Variants in RPTOR observed in about 807,000 individuals in gnomAD.
The protein encoded by RPTOR is regulatory associated protein of MTOR complex 1, also known as regulatory-associated protein of mTOR.
RPTOR carries 21 observed loss-of-function variants against 169.9 expected under a neutral mutation model. That is an observed-to-expected ratio of 0.12 (90% CI 0.09 to 0.18). RPTOR has a LOEUF of 0.18. RPTOR is among the 10% of genes least tolerant of loss of function. RPTOR has a pLI of 1.00. For synonymous variants in RPTOR, 732 were observed against 753.2 expected (o/e 0.97, Z 0.46); for missense variants, 1,133 against 1,855.9 (o/e 0.61, Z 7.16).
At chr17:80,724,224 TG>T (rs1441918970) in intron 4 of RPTOR, among the ~76,000 whole-genome samples, 2 of 151,048 alleles carry the variant, frequency 1.3e-5, no homozygotes. Flanking sequence ...ACATGAGAGC[TG>T]GTTCCCCTTG....
chr17:80,720,024 G>T (rs143395513), intron 4 of RPTOR, among the ~76,000 whole-genome samples: 11 of 152,072 alleles, frequency 7.2e-5, no homozygotes, highest in Admixed American at 7.2e-4. Flanking sequence ...ATCATGGGCC[G>T]GGCACGGTGG....
intron 7 of RPTOR, among the ~76,000 whole-genome samples, chr17:80,817,832 C>T (rs1422440016): frequency 6.6e-6 from 1 of 152,128 alleles, no homozygotes; most frequent in Admixed American, 6.5e-5. Flanking sequence ...GGGAAGGGCA[C>T]CTGCTTGGCA....
Position 80,964,568 on chromosome 17 carries a change from C to CTG in RPTOR, c.*238_*239insTG, listed in dbSNP as rs1211573126. ...ACGGTGGCTTCCCACTGAGCACCAG[C>CTG]ATCCAGGTGCACCCCCGCGGCCACG... On this transcript the variant is annotated 3_prime_UTR_variant, in exon 34 of 34. Transcript: ENST00000306801. 8 of 575,256 alleles carry CTG rather than the reference C, an allele frequency of 1.4e-5. No individual in the cohort carries two copies. In the African/African-American group the frequency reaches 1.5e-4, roughly 11 times the overall value. 35.6% of individuals were successfully genotyped at this position (575,256 alleles called of 1,614,324 possible). A position where few individuals can be genotyped will look rare whatever the true frequency, so the allele number is the denominator to read the frequency against.
rs1009020014 is a variant in RPTOR at position 80,609,731 on chromosome 17, C to T, written c.163-15960C>T. On this transcript the variant is annotated intron_variant, in intron 1 of 33. Coordinates refer to ENST00000306801, the MANE Select transcript of RPTOR (RefSeq NM_020761.3). This position sits in a 1 kb window ranked among gnomAD's most constrained non-coding sequence, Gnocchi z 4.8. ...CTGCACTCCAGCCTGGGCGACAGAG[C>T]GAGATTCTGTCTCAAAAAAAAAAAA... Among the ~76,000 whole-genome samples, 9 of 143,274 alleles carry T rather than the reference C, an allele frequency of 6.3e-5. No homozygotes were observed. The East Asian group carries it at 1.8e-3, about 29-fold the overall frequency. 94.0% of individuals were successfully genotyped at this position (143,274 alleles called of 152,430 possible).
chr17:80,727,045 G>A (rs745632438), intron 4 of RPTOR, among the ~76,000 whole-genome samples: 81 of 152,030 alleles, frequency 5.3e-4, no homozygotes, highest in Middle Eastern at 3.4e-3. Context: ...CTGCGAGAAC[G>A]TGGGCGCTAC....
intron 9 of RPTOR, among the ~76,000 whole-genome samples, chr17:80,835,531 C>T (rs1409217748): frequency 6.6e-6 from 1 of 152,172 alleles, no homozygotes; most frequent in Non-Finnish European, 1.5e-5. Context: ...TCCATCCCTA[C>T]GACGAAGGTT....
At chr17:80,741,179 A>G (rs2066478791) in intron 5 of RPTOR, among the ~76,000 whole-genome samples, 1 of 152,178 alleles carries the variant, frequency 6.6e-6, no homozygotes. Flanking sequence ...GGAGAGTGGC[A>G]TGCACTCTAG....
intron 14 of RPTOR, among the ~76,000 whole-genome samples, chr17:80,882,539 C>T (rs2068197477): frequency 6.6e-6 from 1 of 152,176 alleles, no homozygotes; most frequent in Admixed American, 6.5e-5. Flanking sequence ...GTCGGGTCAC[C>T]TGCACCCAGC....
In RPTOR at chr17:80,634,265, G is replaced by GTGTGTGTGCATACTGTGTGTGTGCGTAC. The variant is rs1567830409; in HGVS notation, c.265+8481_265+8482insATACTGTGTGTGTGCGTACTGTGTGTGC. 2.1e-3 allele frequency among the ~76,000 whole-genome samples: 249 copies of GTGTGTGTGCATACTGTGTGTGTGCGTAC among 116,812 alleles called. 32 individuals carry two copies. Among genetic ancestry groups the GTGTGTGTGCATACTGTGTGTGTGCGTAC allele is most frequent in the African/African-American group, 0.012 (232 of 19,666 alleles). The allele number at this position is 116,812 out of a possible 152,430, so 76.6% of individuals were successfully genotyped here. A position where few individuals can be genotyped will look rare whatever the true frequency, so the allele number is the denominator to read the frequency against. On this transcript the variant is annotated intron_variant, in intron 2 of 33. Transcript: ENST00000306801. ...CGTGCATACTGTATGCGTGCATACC[G>GTGTGTGTGCATACTGTGTGTGTGCGTAC]TGTGTGTGCGTACTGTGTGTGTGCG...
intron 2 of RPTOR, 152 bp downstream of exon 2, chr17:80,625,945 G>A (rs776295587): frequency 6.5e-6 from 4 of 615,914 alleles, no homozygotes; most frequent in Non-Finnish European, 1.2e-5. Flanking sequence ...TCACCTTTGA[G>A]TAATTTCCGA....
chr17:80,701,059 T>G (rs1194342176), intron 3 of RPTOR, among the ~76,000 whole-genome samples: 1 of 152,132 alleles, frequency 6.6e-6, no homozygotes, highest in Non-Finnish European at 1.5e-5. Context: ...CTCAGGTTTC[T>G]GTTGTCCAAA....
At chr17:80,591,571 G>C (rs1441962994) in intron 1 of RPTOR, among the ~76,000 whole-genome samples, 3 of 151,560 alleles carry the variant, frequency 2.0e-5, no homozygotes, top group Non-Finnish European at 4.4e-5. Flanking sequence ...TAGAGATGGG[G>C]TTTCACCCTG....
intron 3 of RPTOR, among the ~76,000 whole-genome samples, chr17:80,702,054 T>A (rs1199846250): frequency 6.6e-6 from 1 of 152,190 alleles, no homozygotes; most frequent in African/African-American, 2.4e-5. Context: ...GAGAAGGAGC[T>A]CCAATACCAA....
At chr17:80,647,517 C>T (rs1171505025) in intron 3 of RPTOR, among the ~76,000 whole-genome samples, 2 of 152,152 alleles carry the variant, frequency 1.3e-5, no homozygotes, top group African/African-American at 4.8e-5. Context: ...GGGCCTCGCT[C>T]TCTGTGTCCT....
In RPTOR at chr17:80,959,123, C is replaced by T. The variant is rs1005391725; in HGVS notation, c.3478-955C>T. Among the ~76,000 whole-genome samples the T allele has an allele frequency of 1.3e-5, 2 of 152,226 alleles. No individual in the cohort carries two copies. Among genetic ancestry groups the T allele is most frequent in the African/African-American group, 2.4e-5 (1 of 41,476 alleles). On this transcript the variant is annotated intron_variant, in intron 29 of 33. Coordinates refer to ENST00000306801, the MANE Select transcript of RPTOR (RefSeq NM_020761.3). The surrounding 1 kb of genome is among the most constrained non-coding windows in gnomAD (Gnocchi z 6.7). ...GTGGTTGCTCTGGGCAGCAGCAGCC[C>T]GAGAACCTGGCCCAGGCCTTCCCGT...
At chr17:80,553,336 T>C (rs1017068893) in intron 1 of RPTOR, among the ~76,000 whole-genome samples, 2 of 152,326 alleles carry the variant, frequency 1.3e-5, no homozygotes, top group Middle Eastern at 3.4e-3. Context: ...ACAGGCCGCC[T>C]CTGGATGTTG....
rs552263580 is a variant in RPTOR at position 80,757,939 on chromosome 17, C to T, written c.830+3754C>T. On this transcript the variant is annotated intron_variant, in intron 6 of 33. Transcript: ENST00000306801. ...TATGTCTGATCCCTGTCCAAAGAGG[C>T]TTATGAGTGCCCATTTCACGTTACC... Among the ~76,000 whole-genome samples the T allele has an allele frequency of 3.9e-5, 6 of 152,206 alleles. No individual in the cohort carries two copies. In the East Asian group the frequency reaches 1.2e-3, roughly 29 times the overall value.
chr17:80,789,513 G>A (rs2067026272), intron 6 of RPTOR, among the ~76,000 whole-genome samples: 3 of 152,270 alleles, frequency 2.0e-5, no homozygotes, highest in East Asian at 1.9e-4. Context: ...TGTCCTCCAC[G>A]GGGATCCTGG....
At chr17:80,744,665 A>T (rs1475255302) in intron 5 of RPTOR, among the ~76,000 whole-genome samples, 1 of 28,878 alleles carries the variant, frequency 3.5e-5, no homozygotes, top group Non-Finnish European at 7.1e-5. Flanking sequence ...TTACGAGCAC[A>T]GCCCTGGCTA....
Sources: allele counts gnomAD v4.1 joint callset (sites outside exome capture counted in the v4.1 genomes callset), GRCh38; gene constraint gnomAD v4.1.1; non-coding constraint Gnocchi (gnomAD v3.1); transcripts MANE v1.5; gene names NCBI Gene and HGNC (gene_info 2026-07-23, HGNC 2026-07-21).